The following DBNL variants were observed in gnomAD, a reference collection of about 807,000 sequenced individuals.
DBNL encodes drebrin like.
Under a neutral mutation model 62.2 loss-of-function variants are expected in DBNL, and 35 were observed. That is an observed-to-expected ratio of 0.56 (90% CI 0.43 to 0.75). The LOEUF is 0.75. Ranked by LOEUF, DBNL falls within the 30% of genes least tolerant of loss-of-function variation. The pLI is 0.00. For synonymous variants in DBNL, 197 were observed against 218.0 expected (o/e 0.90, Z 0.85); for missense variants, 495 against 578.4 (o/e 0.86, Z 1.48).
Position 44,062,617 on chromosome 7 carries a change from T to A in DBNL, c.*1701T>A. 1.3e-6 allele frequency: 1 copy of A among 773,726 alleles called. No individual in the cohort carries two copies. Among genetic ancestry groups the A allele is most frequent in the Admixed American group, 2.2e-5 (1 of 46,342 alleles). The allele number at this position is 773,726 out of a possible 1,614,324, so 47.9% of individuals were successfully genotyped here. ...GTGGGTACTAGGCTCCTGCCCCTGG[T>A]GACACACGTATGGAGTGGGGGAGGG... On this transcript the variant is annotated 3_prime_UTR_variant, in exon 13 of 13. Transcript: ENST00000448521.
At position 44,061,136 on chromosome 7, in the gene DBNL, C is replaced by A. The variant is rs2096148249; in HGVS notation, c.*220C>A. On this transcript the variant is annotated 3_prime_UTR_variant, in exon 13 of 13. Transcript: ENST00000448521. ...TCCTTCCTGCATCCCCCGACCCTCC[C>A]AGACAGCTTGGCTCTTGCCCCTGAC... 3 of 626,370 alleles carry A rather than the reference C, an allele frequency of 4.8e-6. No individual in the cohort carries two copies. The highest frequency in any genetic ancestry group is 7.9e-6 in the Non-Finnish European group (3 of 377,596). 38.8% of individuals were successfully genotyped at this position (626,370 alleles called of 1,614,324 possible).
chr7:44,053,039 T>C (rs1271731025), intron 4 of DBNL, 98 bp downstream of exon 4: 6 of 1,456,268 alleles, frequency 4.1e-6, no homozygotes, highest in Admixed American at 3.9e-5. Flanking sequence ...AGAACTGGAG[T>C]TGGGAGTGTG....
chr7:44,060,663 A>G lies in DBNL; in HGVS notation c.1154-114A>G, dbSNP rs1449414552. On this transcript the variant is annotated intron_variant, in intron 12 of 12. Coordinates refer to ENST00000448521, the MANE Select transcript of DBNL (RefSeq NM_001014436.3). The surrounding 1 kb of genome is among the most constrained non-coding windows in gnomAD (Gnocchi z 6.3). ...GGTGGCAGGGATATTTCTGAGGAGG[A>G]ACCAGAGCTGCAGCGAGGTGTGCTG... 43 of 1,452,532 alleles carry G rather than the reference A, an allele frequency of 3.0e-5. 1 individual carries two copies. In the South Asian group the frequency reaches 5.2e-4, roughly 17 times the overall value. 90.0% of individuals were successfully genotyped at this position (1,452,532 alleles called of 1,614,324 possible). A position where few individuals can be genotyped will look rare whatever the true frequency, so the allele number is the denominator to read the frequency against.
In DBNL at chr7:44,059,712, CTT is replaced by C; in HGVS notation, c.1047+55_1047+56del. 1 of 1,490,346 alleles carries C rather than the reference CTT, an allele frequency of 6.7e-7. No individual in the cohort carries two copies. Among genetic ancestry groups the C allele is most frequent in the Admixed American group, 2.2e-5 (1 of 45,894 alleles). 92.3% of individuals were successfully genotyped at this position (1,490,346 alleles called of 1,614,324 possible). A position where few individuals can be genotyped will look rare whatever the true frequency, so the allele number is the denominator to read the frequency against. ...GGAAGGGGCTGCATACTCAGGAACA[CTT>C]ATCACGGGCCGCCTGAGTTTTCTGG... On this transcript the variant is annotated intron_variant, in intron 11 of 12. Transcript: ENST00000448521. The surrounding 1 kb of genome is among the most constrained non-coding windows in gnomAD (Gnocchi z 4.1).
chr7:44,049,164 T>A (rs1370980384), intron 1 of DBNL, among the ~76,000 whole-genome samples: 3 of 152,044 alleles, frequency 2.0e-5, no homozygotes, highest in African/African-American at 7.3e-5. Context: ...CAGAGTTCTG[T>A]TCTTTTTTTT....
chr7:44,045,153 G>A (rs550458522), intron 1 of DBNL, among the ~76,000 whole-genome samples: 3 of 152,212 alleles, frequency 2.0e-5, no homozygotes, highest in Non-Finnish European at 4.4e-5. Context: ...GCTTCGCCAG[G>A]TTCTTCTTTC....
In DBNL at chr7:44,065,693, G is replaced by A. The variant is rs186968338; in HGVS notation, c.*4777G>A. The A allele has an allele frequency of 7.7e-3, 5,337 of 696,766 alleles. 33 individuals carry two copies. Among genetic ancestry groups the A allele is most frequent in the Middle Eastern group, 0.01 (27 of 2,614 alleles). 43.2% of individuals were successfully genotyped at this position (696,766 alleles called of 1,614,324 possible). A position where few individuals can be genotyped will look rare whatever the true frequency, so the allele number is the denominator to read the frequency against. ...GTAGCTGAGCTGCTGGGGGCTGGGGGCCAGGGGAGTGTGCAGGCCAAGAGG... is the reference window on the plus strand; with the variant it reads ...GTAGCTGAGCTGCTGGGGGCTGGGGACCAGGGGAGTGTGCAGGCCAAGAGG... On this transcript the variant is annotated 3_prime_UTR_variant, in exon 13 of 13. Transcript: ENST00000448521.
Position 44,065,114 on chromosome 7 carries a change from A to G in DBNL, c.*4198A>G. 1 of 1,613,706 alleles carries G rather than the reference A, an allele frequency of 6.2e-7. No individual in the cohort carries two copies. The highest frequency in any genetic ancestry group is 2.2e-5 in the East Asian group (1 of 44,866). On this transcript the variant is annotated 3_prime_UTR_variant, in exon 13 of 13. Coordinates refer to ENST00000448521, the MANE Select transcript of DBNL (RefSeq NM_001014436.3). ...GAGGCCTTCCCAGCAAAGGCAGCCC[A>G]CCTTGCTAATGGAGTTGTAGTAGGG...
At chr7:44,051,346 T>A (rs1385917907) in intron 2 of DBNL, 1 of 160,678 alleles carries the variant, frequency 6.2e-6, no homozygotes, top group East Asian at 1.9e-4. Context: ...CTGCAGGATG[T>A]TCAATCTGGT....
In DBNL at chr7:44,056,626, C is replaced by T. The variant is rs544258601; in HGVS notation, c.328-131C>T. On this transcript the variant is annotated intron_variant, in intron 4 of 12. Coordinates refer to ENST00000448521, the MANE Select transcript of DBNL (RefSeq NM_001014436.3). ...CGTGCCTCAGTTTTCAGCAGCCAGA[C>T]AGGTGCCTTCTAGTTTCCTGATTCC... The T allele has an allele frequency of 4.9e-4, 639 of 1,297,890 alleles. 5 individuals carry two copies. Among genetic ancestry groups the T allele is most frequent in the Non-Finnish European group, 5.0e-4 (480 of 964,372 alleles). 80.4% of individuals were successfully genotyped at this position (1,297,890 alleles called of 1,614,324 possible). A position where few individuals can be genotyped will look rare whatever the true frequency, so the allele number is the denominator to read the frequency against.
At position 44,061,189 on chromosome 7, in the gene DBNL, G is replaced by A. The variant is rs951282600; in HGVS notation, c.*273G>A. 15 of 456,300 alleles carry A rather than the reference G, an allele frequency of 3.3e-5. No homozygotes were observed. Among genetic ancestry groups the A allele is most frequent in the African/African-American group, 2.0e-4 (10 of 50,782 alleles). 28.3% of individuals were successfully genotyped at this position (456,300 alleles called of 1,614,324 possible). A position where few individuals can be genotyped will look rare whatever the true frequency, so the allele number is the denominator to read the frequency against. On this transcript the variant is annotated 3_prime_UTR_variant, in exon 13 of 13. Transcript: ENST00000448521. ...GATACTGAGCCAAGCCCTGCCTGTG[G>A]CCAAGCCCTGAGTGGCCACTGCCAA...
rs1311211029 is a variant in DBNL, at chr7:44,060,167, G to A, written c.1153+14G>A. ...ACTACCAGGCAGGTAAGGTGCCCTG[G>A]CCTGGCTGGCACAGACCACAGGGTC... On this transcript the variant is annotated intron_variant, in intron 12 of 12. Transcript: ENST00000448521. This position sits in a 1 kb window ranked among gnomAD's most constrained non-coding sequence, Gnocchi z 6.3. 1 of 1,603,664 alleles carries A rather than the reference G, an allele frequency of 6.2e-7. No homozygotes were observed. The highest frequency in any genetic ancestry group is 8.5e-7 in the Non-Finnish European group (1 of 1,172,320).
rs552525757 is a variant in DBNL at position 44,059,174 on chromosome 7, T to C, written c.836-180T>C. Among the ~76,000 whole-genome samples the C allele has an allele frequency of 6.6e-6, 1 of 152,248 alleles. No homozygotes were observed. Among genetic ancestry groups the C allele is most frequent in the African/African-American group, 2.4e-5 (1 of 41,554 alleles). On this transcript the variant is annotated intron_variant, in intron 9 of 12. Coordinates refer to ENST00000448521, the MANE Select transcript of DBNL (RefSeq NM_001014436.3). The surrounding 1 kb of genome is among the most constrained non-coding windows in gnomAD (Gnocchi z 4.1). ...TCACCAGTTTGGCCTCCAAAAGATATTGGGCTGCGCTGTCTACCACGTCAC... is the reference window on the plus strand; with the variant it reads ...TCACCAGTTTGGCCTCCAAAAGATACTGGGCTGCGCTGTCTACCACGTCAC...
In DBNL at chr7:44,065,475, C is replaced by G; in HGVS notation, c.*4559C>G. 6.2e-7 allele frequency: 1 copy of G among 1,614,136 alleles called. No individual in the cohort carries two copies. Among genetic ancestry groups the G allele is most frequent in the Non-Finnish European group, 8.5e-7 (1 of 1,180,038 alleles). On this transcript the variant is annotated 3_prime_UTR_variant, in exon 13 of 13. Coordinates refer to ENST00000448521, the MANE Select transcript of DBNL (RefSeq NM_001014436.3). The stretch of plus-strand genomic sequence containing the variant: ...TCGAACCAGCCACAGAAACGGTTCT[C>G]CTGGTTCCATGTGCTCTCGCCGTGC...
At chr7:44,046,493 G>A (rs925170635) in intron 1 of DBNL, among the ~76,000 whole-genome samples, 1 of 152,094 alleles carries the variant, frequency 6.6e-6, no homozygotes, top group African/African-American at 2.4e-5. Context: ...CTCCTGGCCC[G>A]GTGCTTACCC....
chr7:44,064,902 G>A lies in DBNL; in HGVS notation c.*3986G>A, dbSNP rs369973782. 1 of 1,611,240 alleles carries A rather than the reference G, an allele frequency of 6.2e-7. No individual in the cohort carries two copies. Among genetic ancestry groups the A allele is most frequent in the African/African-American group, 1.3e-5 (1 of 74,880 alleles). ...CAATGAGCACTCGCTTGCCGGCCTT[G>A]ATCTGGGGAACAATCTCCTCGTTCC... On this transcript the variant is annotated 3_prime_UTR_variant, in exon 13 of 13. Coordinates refer to ENST00000448521, the MANE Select transcript of DBNL (RefSeq NM_001014436.3).
intron 2 of DBNL, 199 bp downstream of exon 2, chr7:44,050,479 G>A: frequency 2.0e-6 from 1 of 505,282 alleles, no homozygotes; most frequent in Admixed American, 3.3e-5. Flanking sequence ...TGGGTGCAGG[G>A]GAGTGCTTTC....
At chr7:44,050,034 AG>A in intron 1 of DBNL, 190 bp from the exon 2 acceptor site, 1 of 553,234 alleles carries the variant, frequency 1.8e-6, no homozygotes, top group South Asian at 2.0e-5. Context: ...TGCAGAGCTG[AG>A]AAGGCTGCAC....
Position 44,064,737 on chromosome 7 carries a change from A to G in DBNL, c.*3821A>G, listed in dbSNP as rs2096155795. The G allele has an allele frequency of 8.9e-7, 1 of 1,120,402 alleles. No individual in the cohort carries two copies. Among genetic ancestry groups the G allele is most frequent in the African/African-American group, 1.5e-5 (1 of 65,088 alleles). The allele number at this position is 1,120,402 out of a possible 1,614,324, so 69.4% of individuals were successfully genotyped here. On this transcript the variant is annotated 3_prime_UTR_variant, in exon 13 of 13. Transcript: ENST00000448521. ...AATGATGTGGAGCCCCACGCCTAGAAAGCCTGGTCCATGGGCGAGAGACTT... is the reference window on the plus strand; with the variant it reads ...AATGATGTGGAGCCCCACGCCTAGAGAGCCTGGTCCATGGGCGAGAGACTT...
Sources: allele counts gnomAD v4.1 joint callset (sites outside exome capture counted in the v4.1 genomes callset), GRCh38; gene constraint gnomAD v4.1.1; non-coding constraint Gnocchi (gnomAD v3.1); transcripts MANE v1.5; gene names NCBI Gene and HGNC (gene_info 2026-07-23, HGNC 2026-07-21).